Variants in CAMTA1 observed in about 807,000 individuals in gnomAD.
CAMTA1 encodes calmodulin binding transcription activator 1, also known as calmodulin-binding transcription activator 1.
Under a neutral mutation model 170.9 loss-of-function variants are expected in CAMTA1, and 27 were observed. That is an observed-to-expected ratio of 0.16 (90% CI 0.12 to 0.22). The LOEUF (loss-of-function observed/expected upper bound fraction) is 0.22. CAMTA1 is among the 10% of genes least tolerant of loss of function. The pLI, the probability that CAMTA1 is intolerant of heterozygous loss-of-function variation, is 1.00. For missense variants in CAMTA1, 1,619 were observed against 2,217.2 expected (o/e 0.73, Z 5.42); for synonymous variants, 833 against 891.5 (o/e 0.93, Z 1.17).
chr1:7,730,293 C>G (rs545849847), intron 11 of CAMTA1, among the ~76,000 whole-genome samples: 2 of 151,530 alleles, frequency 1.3e-5, no homozygotes, highest in South Asian at 2.1e-4. Flanking sequence ...CCAGCTCTAT[C>G]GTCTCCTGCG....
In CAMTA1 at chr1:7,498,294, G is replaced by A. The variant is rs117465716; in HGVS notation, c.510+30393G>A. On this transcript the variant is annotated intron_variant, in intron 6 of 22. Coordinates refer to ENST00000303635, the MANE Select transcript of CAMTA1 (RefSeq NM_015215.4). ...TGTGTGAGTGTGAGCGTGTATGAGC[G>A]TGACAGTGAGTGTGGATGTGTGTGT... 3.4e-3 allele frequency among the ~76,000 whole-genome samples: 506 copies of A among 150,214 alleles called. 4 individuals are homozygous for A. Among genetic ancestry groups the A allele is most frequent in the East Asian group, 0.028 (142 of 5,116 alleles).
chr1:7,258,830 C>A (rs1259111514), intron 5 of CAMTA1, among the ~76,000 whole-genome samples: 1 of 152,152 alleles, frequency 6.6e-6, no homozygotes. Flanking sequence ...CAGCACGAAT[C>A]TCCAGGCTTG....
chr1:6,967,207 C>T (rs1382402838), intron 3 of CAMTA1, among the ~76,000 whole-genome samples: 1 of 152,014 alleles, frequency 6.6e-6, no homozygotes, highest in Non-Finnish European at 1.5e-5. Context: ...TGCCACTGCA[C>T]TCCAGCCTGG....
intron 5 of CAMTA1, among the ~76,000 whole-genome samples, chr1:7,446,901 A>G (rs11800452): frequency 0.014 from 2,146 of 152,224 alleles, 48 homozygotes; most frequent in African/African-American, 0.049. Context: ...TGGAGTATAA[A>G]CAGCTTTCAG....
At chr1:6,927,319 C>G (rs1294600421) in intron 3 of CAMTA1, among the ~76,000 whole-genome samples, 1 of 152,204 alleles carries the variant, frequency 6.6e-6, no homozygotes, top group South Asian at 2.1e-4. Context: ...AGGTGTGAGC[C>G]ACTGCACCCA....
intron 16 of CAMTA1, 67 bp from the exon 17 acceptor site, chr1:7,744,768 G>C: frequency 7.2e-7 from 1 of 1,396,252 alleles, no homozygotes; most frequent in Admixed American, 2.0e-5. Flanking sequence ...GCGAGGCAGG[G>C]AGGTAGACCT....
intron 3 of CAMTA1, among the ~76,000 whole-genome samples, chr1:6,990,799 C>A (rs1182800529): frequency 1.5e-5 from 2 of 129,150 alleles, no homozygotes; most frequent in African/African-American, 6.6e-5. Context: ...CTCTCTCTCT[C>A]TCTCTCTATA....
At chr1:7,611,126 G>C (rs558635053) in intron 6 of CAMTA1, among the ~76,000 whole-genome samples, 9 of 152,228 alleles carry the variant, frequency 5.9e-5, no homozygotes, top group Non-Finnish European at 1.3e-4. Context: ...AGGAAGGCGC[G>C]GGGCCATGCA....
At chr1:7,656,766 C>T (rs191251365) in intron 7 of CAMTA1, among the ~76,000 whole-genome samples, 5 of 152,236 alleles carry the variant, frequency 3.3e-5, no homozygotes, top group Non-Finnish European at 5.9e-5. Context: ...AGCGGTTGGC[C>T]GCCTCTTGGG....
At chr1:7,730,797 G>C (rs1280326453) in intron 11 of CAMTA1, among the ~76,000 whole-genome samples, 2 of 152,030 alleles carry the variant, frequency 1.3e-5, no homozygotes, top group Non-Finnish European at 2.9e-5. Context: ...TACTTGGGTG[G>C]CTGAGCCAAG....
intron 6 of CAMTA1, among the ~76,000 whole-genome samples, chr1:7,578,056 T>C (rs944186773): frequency 2.6e-5 from 4 of 152,218 alleles, no homozygotes; most frequent in African/African-American, 9.6e-5. Flanking sequence ...AATCTCACAT[T>C]GTGAGTCCCC....
rs1666683364 is a variant in CAMTA1, at chr1:7,251,806, C to T, written c.438+2180C>T. ...GGGCTGGAATGGTCAGAGACACTTC[C>T]TAGGTCAGATGGGATACAAGCTGAG... On this transcript the variant is annotated intron_variant, in intron 5 of 22. Transcript: ENST00000303635. This position sits in a 1 kb window ranked among gnomAD's most constrained non-coding sequence, Gnocchi z 5.1. Among the ~76,000 whole-genome samples the T allele has an allele frequency of 6.6e-6, 1 of 152,104 alleles. No individual in the cohort carries two copies. The highest frequency in any genetic ancestry group is 2.1e-4 in the South Asian group (1 of 4,816).
chr1:7,663,247 G>A, intron 8 of CAMTA1, 106 bp from the exon 9 acceptor site: 2 of 1,420,792 alleles, frequency 1.4e-6, no homozygotes, highest in Non-Finnish European at 1.9e-6. Flanking sequence ...GCCGCTGTGG[G>A]GCAGGTCCAC....
rs549620426 is a variant in CAMTA1, at chr1:6,990,811, A to C, written c.235-100493A>C. 5.0e-3 allele frequency among the ~76,000 whole-genome samples: 752 copies of C among 150,380 alleles called. 7 individuals carry two copies. Among genetic ancestry groups the C allele is most frequent in the East Asian group, 0.027 (140 of 5,140 alleles). ...TCTCTCTCTCTCTCTCTCTCTATAT[A>C]TATATATATTTATATATATATGTGT... On this transcript the variant is annotated intron_variant, in intron 3 of 22. Coordinates refer to ENST00000303635, the MANE Select transcript of CAMTA1 (RefSeq NM_015215.4).
chr1:6,866,834 T>C (rs1291289230), intron 3 of CAMTA1, among the ~76,000 whole-genome samples: 1 of 152,228 alleles, frequency 6.6e-6, no homozygotes, highest in Non-Finnish European at 1.5e-5. Flanking sequence ...GTTTTAAATA[T>C]GTAGCATTTA....
At chr1:6,862,855 T>A (rs1665255084) in intron 3 of CAMTA1, among the ~76,000 whole-genome samples, 2 of 152,226 alleles carry the variant, frequency 1.3e-5, no homozygotes, top group Non-Finnish European at 2.9e-5. Context: ...TTCTTTTCCC[T>A]TGTTTTGGAA....
At chr1:7,444,589 C>T (rs1176003181) in intron 5 of CAMTA1, among the ~76,000 whole-genome samples, 1 of 152,212 alleles carries the variant, frequency 6.6e-6, no homozygotes. Flanking sequence ...AGCCCTGAGC[C>T]ACGGCAAGGT....
intron 1 of CAMTA1, among the ~76,000 whole-genome samples, chr1:6,815,702 A>G (rs1645718153): frequency 6.6e-6 from 1 of 152,208 alleles, no homozygotes; most frequent in Non-Finnish European, 1.5e-5. Flanking sequence ...TTTATAGATC[A>G]TTTATCTAAT....
In CAMTA1 at chr1:7,718,851, C is replaced by CA. The variant is rs1484653984; in HGVS notation, c.2915-13597_2915-13596insA. 2.9e-4 allele frequency among the ~76,000 whole-genome samples: 6 copies of CA among 20,444 alleles called. No homozygotes were observed. The Admixed American group carries it at 4.3e-3, about 15-fold the overall frequency. The allele number at this position is 20,444 out of a possible 152,430, so 13.4% of individuals were successfully genotyped here. A position where few individuals can be genotyped will look rare whatever the true frequency, so the allele number is the denominator to read the frequency against. ...GGATTACAGGCATGAGCCCGGTCAG[C>CA]CCTTTTTTTTTTTTTTTTAAAGACC... On this transcript the variant is annotated intron_variant, in intron 11 of 22. Coordinates refer to ENST00000303635, the MANE Select transcript of CAMTA1 (RefSeq NM_015215.4).
Sources: allele counts gnomAD v4.1 joint callset (sites outside exome capture counted in the v4.1 genomes callset), GRCh38; gene constraint gnomAD v4.1.1; non-coding constraint Gnocchi (gnomAD v3.1); transcripts MANE v1.5; gene names NCBI Gene and HGNC (gene_info 2026-07-23, HGNC 2026-07-21).